The following PSMB2 variants were observed in gnomAD, a reference collection of about 807,000 sequenced individuals.
PSMB2 encodes the protein proteasome 20S subunit beta 2.
Under a neutral mutation model 25.7 loss-of-function variants are expected in PSMB2, and 13 were observed. The ratio of observed to expected loss-of-function variants is 0.51; its 90% CI spans 0.33 to 0.80. The LOEUF is 0.80. Ranked by LOEUF, PSMB2 falls within the 30% of genes least tolerant of loss-of-function variation. PSMB2 has a pLI of 0.02. For synonymous variants in PSMB2, 87 were observed against 96.2 expected (o/e 0.90, Z 0.56); for missense variants, 202 against 259.0 (o/e 0.78, Z 1.51).
chr1:35,636,264 G>C (rs1651242546), intron 2 of PSMB2, 46 bp downstream of exon 2: 1 of 1,607,750 alleles, frequency 6.2e-7, no homozygotes, highest in Admixed American at 1.7e-5. Context: ...AGTAATGGCA[G>C]CCCTAGTAAA....
intron 3 of PSMB2, among the ~76,000 whole-genome samples, chr1:35,630,992 T>TA (rs1651076260): frequency 6.6e-6 from 1 of 151,732 alleles, no homozygotes; most frequent in Non-Finnish European, 1.5e-5. Context: ...AACACTGCTC[T>TA]AAAAAATAGT....
At chr1:35,617,784 G>A (rs1650540665) in intron 3 of PSMB2, among the ~76,000 whole-genome samples, 1 of 152,218 alleles carries the variant, frequency 6.6e-6, no homozygotes, top group African/African-American at 2.4e-5. Flanking sequence ...TCAGCAGGAA[G>A]TAGGGAGAGA....
chr1:35,636,375 G>C lies in PSMB2; in HGVS notation c.149C>G (p.Ala50Gly), dbSNP rs765717814. 22 of 1,614,012 alleles carry C rather than the reference G, an allele frequency of 1.4e-5. No homozygotes were observed. Among genetic ancestry groups the C allele is most frequent in the South Asian group, 3.3e-5 (3 of 91,082 alleles). Residue 50 changes from alanine to glycine, a missense_variant, in exon 2 of 6, where the codon GCT (alanine) becomes GGT (glycine). Physicochemically the swap from Ala to Gly is moderately conservative, Grantham distance 60. Coordinates refer to ENST00000373237, the MANE Select transcript of PSMB2 (RefSeq NM_002794.5). ...EKILLLCVGE[A>G]GDTVQFAEYI... ...TTCTGCAAACTGTACAGTGTCTCCA[G>C]CCTCTCCAACACACAGGAGTAATAT...
At chr1:35,634,527 C>G (rs920402388) in intron 2 of PSMB2, among the ~76,000 whole-genome samples, 1 of 151,954 alleles carries the variant, frequency 6.6e-6, no homozygotes, top group Non-Finnish European at 1.5e-5. Context: ...TGGGTGTGCA[C>G]CACTGCACCC....
At chr1:35,604,505 C>T (rs565019997) in intron 5 of PSMB2, among the ~76,000 whole-genome samples, 7 of 152,098 alleles carry the variant, frequency 4.6e-5, no homozygotes, top group African/African-American at 1.4e-4. Context: ...CAGGGATGGG[C>T]GTGGTGGCTC....
chr1:35,612,825 CAA>C lies in PSMB2; in HGVS notation c.286-3419_286-3418del, dbSNP rs560040975. On this transcript the variant is annotated intron_variant, in intron 3 of 5. Coordinates refer to ENST00000373237, the MANE Select transcript of PSMB2 (RefSeq NM_002794.5). ...TATATTAAGTATTCCCCCAGATACT[CAA>C]AGAGGCCTTGTTAGAACCCAGATGT... Among the ~76,000 whole-genome samples the C allele has an allele frequency of 1.8e-4, 27 of 152,290 alleles. No individual in the cohort carries two copies. In the East Asian group the frequency reaches 5.0e-3, roughly 28 times the overall value.
chr1:35,634,690 CT>C (rs1054316998), intron 2 of PSMB2, among the ~76,000 whole-genome samples: 15 of 151,896 alleles, frequency 9.9e-5, no homozygotes, highest in Non-Finnish European at 1.8e-4. Flanking sequence ...GGTTCAGATA[CT>C]TTTAAACTCA....
At chr1:35,613,007 T>C (rs1650384983) in intron 3 of PSMB2, among the ~76,000 whole-genome samples, 1 of 152,232 alleles carries the variant, frequency 6.6e-6, no homozygotes, top group African/African-American at 2.4e-5. Context: ...CTATATAGTA[T>C]CATTTACTCA....
intron 3 of PSMB2, among the ~76,000 whole-genome samples, chr1:35,628,627 ATATAT>A (rs1416357299): frequency 4.4e-4 from 19 of 42,948 alleles, no homozygotes; most frequent in African/African-American, 6.8e-4. Flanking sequence ...ATATATATAT[ATATAT>A]TTTTTTTTTT....
In PSMB2 at chr1:35,636,329, T is replaced by G; in HGVS notation, c.195A>C (p.Gln65His). ...QFAEYIQKNV[Q>H]LYKMRNGYEL... is the part of the protein sequence containing the mutation. ...ACCCACCATTTCGCATCTTATAAAG[T>G]TGCACGTTTTTCTGAATATATTCTG... The change falls in exon 2 of 6, where the codon CAA becomes CAC. Residue 65 changes from glutamine to histidine, a missense_variant. Coordinates refer to ENST00000373237, the MANE Select transcript of PSMB2 (RefSeq NM_002794.5). 6.2e-7 allele frequency: 1 copy of G among 1,614,168 alleles called. No homozygotes were observed. Among genetic ancestry groups the G allele is most frequent in the Non-Finnish European group, 8.5e-7 (1 of 1,180,018 alleles).
At chr1:35,609,198 GAGGGC>G in intron 4 of PSMB2, 43 bp downstream of exon 4, 1 of 1,425,780 alleles carries the variant, frequency 7.0e-7, no homozygotes, top group Non-Finnish European at 9.3e-7. Flanking sequence ...GGAAGCAGCT[GAGGGC>G]AGGGCTCTGC....
At chr1:35,640,093 T>C (rs945130775) in intron 1 of PSMB2, among the ~76,000 whole-genome samples, 1 of 151,788 alleles carries the variant, frequency 6.6e-6, no homozygotes, top group Non-Finnish European at 1.5e-5. Context: ...TACTATACTA[T>C]ACTATACTAT....
intron 3 of PSMB2, among the ~76,000 whole-genome samples, chr1:35,625,904 T>A (rs1215371123): frequency 6.6e-6 from 1 of 151,994 alleles, no homozygotes; most frequent in Non-Finnish European, 1.5e-5. Flanking sequence ...TGGCATGATC[T>A]CAGCTCACTG....
intron 3 of PSMB2, among the ~76,000 whole-genome samples, chr1:35,619,648 A>G (rs1490535101): frequency 6.6e-6 from 1 of 152,230 alleles, no homozygotes; most frequent in Non-Finnish European, 1.5e-5. Flanking sequence ...ATTAGATTTT[A>G]AAGGTCTCCT....
At chr1:35,632,659 G>A (rs1411006631) in intron 2 of PSMB2, among the ~76,000 whole-genome samples, 1 of 151,986 alleles carries the variant, frequency 6.6e-6, no homozygotes, top group Non-Finnish European at 1.5e-5. Context: ...TTTGGGAAGC[G>A]GAGGCAGGCA....
In PSMB2 at chr1:35,600,839, A is replaced by G; in HGVS notation, c.*2428T>C. 2.0e-6 allele frequency: 2 copies of G among 985,470 alleles called. No individual in the cohort carries two copies. The highest frequency in any genetic ancestry group is 4.7e-5 in the South Asian group (1 of 21,292). 61.0% of individuals were successfully genotyped at this position (985,470 alleles called of 1,614,324 possible). ...ATCCCTGGTGAGGCCTGAATGCAGAATAACAAGTTTACCAATCATTATACA... is the reference window on the plus strand; with the variant it reads ...ATCCCTGGTGAGGCCTGAATGCAGAGTAACAAGTTTACCAATCATTATACA... On this transcript the variant is annotated 3_prime_UTR_variant, in exon 6 of 6. Coordinates refer to ENST00000373237, the MANE Select transcript of PSMB2 (RefSeq NM_002794.5).
chr1:35,631,528 G>C, intron 2 of PSMB2, 184 bp from the exon 3 acceptor site: 1 of 1,409,510 alleles, frequency 7.1e-7, no homozygotes, highest in Non-Finnish European at 9.3e-7. Flanking sequence ...TGAAATAGCT[G>C]GTTAGTACTG....
At position 35,628,625 on chromosome 1, in the gene PSMB2, A is replaced by T. The variant is rs1395061967; in HGVS notation, c.285+2649T>A. Among the ~76,000 whole-genome samples the T allele has an allele frequency of 5.6e-3, 245 of 43,894 alleles. 2 individuals carry two copies. Among genetic ancestry groups the T allele is most frequent in the African/African-American group, 0.023 (216 of 9,440 alleles). 28.8% of individuals were successfully genotyped at this position (43,894 alleles called of 152,430 possible). A position where few individuals can be genotyped will look rare whatever the true frequency, so the allele number is the denominator to read the frequency against. The stretch of plus-strand genomic sequence containing the variant: ...TATATATATATATATATATATATAT[A>T]TATATATTTTTTTTTTTTTTTTTAA... On this transcript the variant is annotated intron_variant, in intron 3 of 5. Transcript: ENST00000373237.
intron 4 of PSMB2, among the ~76,000 whole-genome samples, chr1:35,607,648 C>T (rs1650207382): frequency 6.6e-6 from 1 of 152,110 alleles, no homozygotes. Context: ...AATAGAACTA[C>T]CATATGATCT....
Sources: allele counts gnomAD v4.1 joint callset (sites outside exome capture counted in the v4.1 genomes callset), GRCh38; gene constraint gnomAD v4.1.1; transcripts MANE v1.5; gene names NCBI Gene and HGNC (gene_info 2026-07-23, HGNC 2026-07-21).